Variants in EYA1 observed in about 807,000 individuals in gnomAD.
The protein encoded by EYA1 is EYA transcriptional coactivator and phosphatase 1, also known as protein phosphatase EYA1.
Under a neutral mutation model 82.0 loss-of-function variants are expected in EYA1, and 16 were observed. The ratio of observed to expected loss-of-function variants is 0.20; its 90% CI spans 0.13 to 0.30. The LOEUF is 0.30. Ranked by LOEUF, EYA1 falls within the 10% of genes least tolerant of loss-of-function variation. EYA1 has a pLI of 1.00. For missense variants in EYA1, 633 were observed against 730.7 expected (o/e 0.87, Z 1.54); for synonymous variants, 261 against 264.4 (o/e 0.99, Z 0.12).
At chr8:71,536,897 A>G (rs1399509223) in intron 1 of EYA1, among the ~76,000 whole-genome samples, 6 of 152,236 alleles carry the variant, frequency 3.9e-5, no homozygotes, top group Non-Finnish European at 8.8e-5. Context: ...CATGTGAATA[A>G]CATAAGCTAT....
intron 9 of EYA1, 47 bp downstream of exon 9, chr8:71,299,000 A>T (rs573757866): frequency 6.3e-7 from 1 of 1,580,104 alleles, no homozygotes; most frequent in African/African-American, 1.3e-5. Flanking sequence ...ATGCATTGAA[A>T]CCATTGAAAA....
intron 3 of EYA1, among the ~76,000 whole-genome samples, chr8:71,340,920 G>A (rs1825053077): frequency 6.6e-6 from 1 of 152,092 alleles, no homozygotes; most frequent in Non-Finnish European, 1.5e-5. Context: ...CATACTACTA[G>A]ACACATTGCA....
chr8:71,248,308 G>A (rs182914118), intron 11 of EYA1, among the ~76,000 whole-genome samples: 173 of 152,296 alleles, frequency 1.1e-3, no homozygotes, highest in African/African-American at 4.1e-3. Flanking sequence ...GAATAGGAAG[G>A]GGGTTCTAGT....
chr8:71,292,212 C>A lies in EYA1; in HGVS notation c.826+6835G>T, dbSNP rs534168365. On this transcript the variant is annotated intron_variant, in intron 9 of 17. Coordinates refer to ENST00000340726, the MANE Select transcript of EYA1 (RefSeq NM_000503.6). ...ATGACTTAAGCTTTTACGATCAGTACAAGATGATAACTTACTCTATACCTC... is the reference window on the plus strand; with the variant it reads ...ATGACTTAAGCTTTTACGATCAGTAAAAGATGATAACTTACTCTATACCTC... Among the ~76,000 whole-genome samples the A allele has an allele frequency of 1.1e-4, 16 of 152,098 alleles. No individual in the cohort carries two copies. In the East Asian group the frequency reaches 3.1e-3, roughly 29 times the overall value.
At chr8:71,543,649 G>A (rs1815329755) in intron 1 of EYA1, among the ~76,000 whole-genome samples, 1 of 152,086 alleles carries the variant, frequency 6.6e-6, no homozygotes, top group Non-Finnish European at 1.5e-5. Flanking sequence ...TCAAATGCAG[G>A]TGAGATTTAT....
At chr8:71,453,356 A>T (rs1206556762) in intron 2 of EYA1, among the ~76,000 whole-genome samples, 3 of 152,224 alleles carry the variant, frequency 2.0e-5, no homozygotes, top group African/African-American at 7.2e-5. Context: ...GCAGGATATT[A>T]TCCAGGAGAA....
At chr8:71,258,165 A>C (rs147662244) in intron 11 of EYA1, among the ~76,000 whole-genome samples, 1 of 152,342 alleles carries the variant, frequency 6.6e-6, no homozygotes, top group African/African-American at 2.4e-5. Context: ...CTCCTCTGTT[A>C]ATTTAAAAGC....
chr8:71,274,542 T>G (rs1375523406), intron 9 of EYA1, among the ~76,000 whole-genome samples: 1 of 152,018 alleles, frequency 6.6e-6, no homozygotes, highest in Non-Finnish European at 1.5e-5. Context: ...AAACTTGGAG[T>G]GGATGTCACG....
chr8:71,416,271 A>T (rs1223091674), intron 2 of EYA1, among the ~76,000 whole-genome samples: 1 of 152,212 alleles, frequency 6.6e-6, no homozygotes, highest in Non-Finnish European at 1.5e-5. Flanking sequence ...CTGTGACAGC[A>T]GTACTATTGG....
rs145061639 is a variant in EYA1 at position 71,274,699 on chromosome 8, T to C, written c.827-2802A>G. On this transcript the variant is annotated intron_variant, in intron 9 of 17. Coordinates refer to ENST00000340726, the MANE Select transcript of EYA1 (RefSeq NM_000503.6). ...GAAATTACAAAGTAATGTGGAAAGG[T>C]CACAACACAGGAAAGGCAGAATGCT... is the stretch of plus-strand genomic sequence containing the variant. Among the ~76,000 whole-genome samples, 916 of 152,200 alleles carry C rather than the reference T, an allele frequency of 6.0e-3. 10 individuals carry two copies. The highest frequency in any genetic ancestry group is 0.021 in the African/African-American group (878 of 41,510).
chr8:71,230,879 C>A (rs1183932005), intron 12 of EYA1, among the ~76,000 whole-genome samples: 1 of 152,212 alleles, frequency 6.6e-6, no homozygotes, highest in Non-Finnish European at 1.5e-5. Flanking sequence ...TCAATATATT[C>A]TTCCTGGGAA....
chr8:71,426,442 G>C (rs1195909826), intron 2 of EYA1, among the ~76,000 whole-genome samples: 1 of 152,230 alleles, frequency 6.6e-6, no homozygotes, highest in Non-Finnish European at 1.5e-5. Flanking sequence ...GTTTGGATGA[G>C]AGAAAGACTT....
chr8:71,389,936 C>T (rs1322553126), intron 2 of EYA1, among the ~76,000 whole-genome samples: 1 of 152,102 alleles, frequency 6.6e-6, no homozygotes, highest in Non-Finnish European at 1.5e-5. Flanking sequence ...CCGTTTGATG[C>T]TTAACTGTTT....
chr8:71,500,390 T>C (rs1158085112), intron 2 of EYA1, among the ~76,000 whole-genome samples: 1 of 152,204 alleles, frequency 6.6e-6, no homozygotes, highest in African/African-American at 2.4e-5. Flanking sequence ...GACAACTTCT[T>C]GAGTCTTGAT....
rs113170440 is a variant in EYA1 at position 71,540,452 on chromosome 8, G to C, written c.-72-4604C>G. Among the ~76,000 whole-genome samples, 1,137 of 152,214 alleles carry C rather than the reference G, an allele frequency of 7.5e-3. 16 individuals are homozygous for C. Among genetic ancestry groups the C allele is most frequent in the African/African-American group, 0.026 (1,068 of 41,514 alleles). On this transcript the variant is annotated intron_variant, in intron 1 of 18. Coordinates refer to the EYA1 transcript ENST00000643681. ...CTGGCTATTTTTAGAACAAAAGATT[G>C]GGAGAAGAAAAGTTGGAAAAAGTGT... is the stretch of plus-strand genomic sequence containing the variant.
intron 2 of EYA1, among the ~76,000 whole-genome samples, chr8:71,463,373 C>A (rs1808511719): frequency 6.6e-6 from 1 of 152,152 alleles, no homozygotes; most frequent in African/African-American, 2.4e-5. Flanking sequence ...GCCTTGTAAA[C>A]CTGAGTTCAT....
At chr8:71,545,113 G>A (rs1815441547) in intron 1 of EYA1, among the ~76,000 whole-genome samples, 1 of 152,226 alleles carries the variant, frequency 6.6e-6, no homozygotes, top group Admixed American at 6.5e-5. Flanking sequence ...AGGGATTTGA[G>A]TCTGTAACTC....
intron 11 of EYA1, 103 bp from the exon 12 acceptor site, chr8:71,244,795 G>A: frequency 2.9e-6 from 2 of 694,900 alleles, no homozygotes; most frequent in Non-Finnish European, 5.2e-6. Flanking sequence ...CTGAAAGCAA[G>A]AGACACAGAG....
At chr8:71,278,974 T>A (rs538027227) in intron 9 of EYA1, among the ~76,000 whole-genome samples, 1 of 152,218 alleles carries the variant, frequency 6.6e-6, no homozygotes, top group East Asian at 1.9e-4. Flanking sequence ...TAAACAGAAG[T>A]AGGTAATTGA....
Sources: allele counts gnomAD v4.1 joint callset (sites outside exome capture counted in the v4.1 genomes callset), GRCh38; gene constraint gnomAD v4.1.1; transcripts MANE v1.5; gene names NCBI Gene and HGNC (gene_info 2026-07-23, HGNC 2026-07-21).